Variants in MPP7 observed in about 807,000 individuals in gnomAD.
MPP7 encodes MAGUK p55 subfamily member 7.
MPP7 carries 60 observed loss-of-function variants against 76.5 expected under a neutral mutation model. The observed-to-expected ratio is 0.78, with a 90% confidence interval of 0.64 to 0.97. MPP7 has a LOEUF of 0.97. MPP7 is among the 50% of genes least tolerant of loss of function. The probability of loss-of-function intolerance (pLI) is 0.00; values close to 1 mark genes in which losing one functional copy is unlikely to be tolerated. For missense variants in MPP7, 641 were observed against 694.0 expected (o/e 0.92, Z 0.86); for synonymous variants, 237 against 244.5 (o/e 0.97, Z 0.29).
At chr10:28,163,777 G>A (rs548232492) in intron 3 of MPP7, among the ~76,000 whole-genome samples, 10 of 151,826 alleles carry the variant, frequency 6.6e-5, no homozygotes, top group African/African-American at 1.5e-4. Context: ...GTGAAACCCC[G>A]TCTCTACTAA....
intron 1 of MPP7, among the ~76,000 whole-genome samples, chr10:28,293,834 G>A (rs983325124): frequency 6.6e-6 from 1 of 152,178 alleles, no homozygotes; most frequent in Admixed American, 6.5e-5. Context: ...CAATAAAAAG[G>A]AAACAAATAA....
At chr10:28,104,958 G>A (rs998958964) in intron 11 of MPP7, among the ~76,000 whole-genome samples, 1 of 151,880 alleles carries the variant, frequency 6.6e-6, no homozygotes, top group Non-Finnish European at 1.5e-5. Flanking sequence ...TTCTCCCTTT[G>A]CCATACTCAA....
intron 6 of MPP7, among the ~76,000 whole-genome samples, chr10:28,129,624 T>C (rs564921744): frequency 7.2e-5 from 11 of 152,028 alleles, no homozygotes; most frequent in African/African-American, 2.4e-4. Context: ...TTATTTCCTA[T>C]AAACTGCCGT....
At chr10:28,177,045 G>A (rs1267240768) in intron 3 of MPP7, among the ~76,000 whole-genome samples, 1 of 150,006 alleles carries the variant, frequency 6.7e-6, no homozygotes, top group East Asian at 2.0e-4. Context: ...AAAAAAGAAA[G>A]AAAAGAAAAA....
At chr10:28,261,553 C>T (rs1402577927) in intron 1 of MPP7, among the ~76,000 whole-genome samples, 1 of 152,142 alleles carries the variant, frequency 6.6e-6, no homozygotes, top group Non-Finnish European at 1.5e-5. Flanking sequence ...TGCTGACCTC[C>T]AAATACATAC....
intron 3 of MPP7, among the ~76,000 whole-genome samples, chr10:28,178,363 C>T (rs148864820): frequency 6.6e-6 from 1 of 152,022 alleles, no homozygotes; most frequent in East Asian, 1.9e-4. Flanking sequence ...GCTCTTTTAA[C>T]AACTCACTAT....
chr10:28,122,894 T>C (rs1158011973), intron 8 of MPP7, among the ~76,000 whole-genome samples: 1 of 152,286 alleles, frequency 6.6e-6, no homozygotes, highest in East Asian at 1.9e-4. Context: ...TTGACTTTCA[T>C]ATCAAGGTTA....
At chr10:28,262,275 A>ATTTTT (rs1331900519) in intron 1 of MPP7, among the ~76,000 whole-genome samples, 1 of 24,670 alleles carries the variant, frequency 4.1e-5, no homozygotes, top group African/African-American at 1.4e-4. Context: ...ATATATATAT[A>ATTTTT]TATTTTTTTT....
intron 2 of MPP7, among the ~76,000 whole-genome samples, chr10:28,204,855 A>G (rs961975507): frequency 6.6e-6 from 1 of 152,236 alleles, no homozygotes; most frequent in Non-Finnish European, 1.5e-5. Flanking sequence ...TTAGCTGTAT[A>G]TTGCAATTGG....
chr10:28,175,560 G>T (rs972152183), intron 3 of MPP7, among the ~76,000 whole-genome samples: 2 of 152,038 alleles, frequency 1.3e-5, no homozygotes, highest in African/African-American at 4.8e-5. Context: ...TTAAGAATCA[G>T]AAATTTTAAA....
chr10:28,300,996 C>T (rs1022487047), intron 1 of MPP7, among the ~76,000 whole-genome samples: 7 of 151,740 alleles, frequency 4.6e-5, no homozygotes, highest in African/African-American at 1.7e-4. Flanking sequence ...AAGACATTTT[C>T]ATGTTCCTGA....
chr10:28,302,068 T>G (rs986897368), intron 1 of MPP7, among the ~76,000 whole-genome samples: 66 of 152,274 alleles, frequency 4.3e-4, no homozygotes, highest in African/African-American at 1.5e-3. Flanking sequence ...CTTTTTTAAA[T>G]GTGAATATTG....
intron 9 of MPP7, 86 bp from the exon 10 acceptor site, chr10:28,120,476 T>C (rs1019937747): frequency 2.0e-5 from 30 of 1,482,754 alleles, no homozygotes; most frequent in African/African-American, 4.2e-5. Context: ...ACTCCAAACA[T>C]AGTAATTTTA....
intron 12 of MPP7, among the ~76,000 whole-genome samples, chr10:28,084,248 A>G (rs557015988): frequency 6.2e-4 from 94 of 152,330 alleles, no homozygotes; most frequent in African/African-American, 2.1e-3. Context: ...ATGCCAAGAA[A>G]AGTAGAAAAT....
chr10:28,051,310 T>C lies in MPP7; in HGVS notation c.*2755A>G, dbSNP rs181332713. The stretch of plus-strand genomic sequence containing the variant: ...TTTTGTAAGTCTGAGAAGGTTATGT[T>C]TGTCAGTTTCAAATTATTACAGTTT... On this transcript the variant is annotated 3_prime_UTR_variant, in exon 17 of 17. Transcript: ENST00000683449. 2 of 152,308 alleles carry C rather than the reference T, an allele frequency of 1.3e-5. No homozygotes were observed. The highest frequency in any genetic ancestry group is 3.9e-4 in the East Asian group (2 of 5,186). The allele number at this position is 152,308 out of a possible 1,614,324, so 9.4% of individuals were successfully genotyped here.
chr10:28,228,382 C>A (rs1429941069), intron 2 of MPP7, among the ~76,000 whole-genome samples: 1 of 152,012 alleles, frequency 6.6e-6, no homozygotes, highest in African/African-American at 2.4e-5. Flanking sequence ...GATTTTGGTA[C>A]CAGAAGTGAG....
chr10:28,242,052 C>T (rs1839288889), intron 1 of MPP7, among the ~76,000 whole-genome samples: 1 of 152,114 alleles, frequency 6.6e-6, no homozygotes, highest in South Asian at 2.1e-4. Context: ...ATTCCATAGT[C>T]TGCAACATTT....
chr10:28,164,101 A>G (rs1297118019), intron 3 of MPP7, among the ~76,000 whole-genome samples: 1 of 152,102 alleles, frequency 6.6e-6, no homozygotes, highest in African/African-American at 2.4e-5. Context: ...GCCTGGCTTT[A>G]AAAAGAAAGA....
At chr10:28,324,238 A>G (rs941073469) in intron 2 of MPP7, among the ~76,000 whole-genome samples, 1 of 152,282 alleles carries the variant, frequency 6.6e-6, no homozygotes, top group Non-Finnish European at 1.5e-5. Flanking sequence ...ACGTGAGGGC[A>G]CAGAGAGAAG....
Sources: gnomAD v4.1 joint callset for allele counts (sites outside exome capture counted in the v4.1 genomes callset) on GRCh38, gnomAD v4.1.1 for gene constraint, MANE v1.5 for transcripts, NCBI Gene and HGNC (gene_info 2026-07-23, HGNC 2026-07-21) for gene names.